AHRR: variants seen among roughly 807,000 people sequenced by gnomAD.
AHRR encodes aryl hydrocarbon receptor repressor.
AHRR carries 28 observed loss-of-function variants against 44.0 expected under a neutral mutation model. The observed-to-expected ratio is 0.64, with a 90% CI of 0.47 to 0.87. AHRR has a LOEUF of 0.87. Ranked by LOEUF, AHRR falls within the 40% of genes least tolerant of loss-of-function variation. The probability of loss-of-function intolerance (pLI) is 0.00; values close to 1 mark genes in which losing one functional copy is unlikely to be tolerated. For missense variants in AHRR, 990 were observed against 953.9 expected, an observed-to-expected ratio of 1.04 and a Z score of -0.50; for synonymous variants, 434 against 407.0, an observed-to-expected ratio of 1.07 and a Z score of -0.80.
chr5:415,696 G>GC (rs2126519049), intron 5 of AHRR, among the ~76,000 whole-genome samples: 14 of 151,580 alleles, frequency 9.2e-5, no homozygotes, highest in South Asian at 2.1e-4. Context: ...AGGCCTAGGG[G>GC]CGGAGTCTGC....
At chr5:336,465 A>G (rs1742129291) in intron 1 of AHRR, among the ~76,000 whole-genome samples, 1 of 152,230 alleles carries the variant, frequency 6.6e-6, no homozygotes. Context: ...CTTTTAAAAA[A>G]AGCCTTTGCC....
intron 5 of AHRR, among the ~76,000 whole-genome samples, chr5:414,666 A>G (rs1735638115): frequency 6.6e-6 from 1 of 152,256 alleles, no homozygotes; most frequent in African/African-American, 2.4e-5. Context: ...AAACTGGCAA[A>G]CAAATAGATT....
intron 4 of AHRR, among the ~76,000 whole-genome samples, chr5:397,542 G>A (rs373680996): frequency 1.7e-5 from 1 of 60,436 alleles, no homozygotes; most frequent in Non-Finnish European, 3.3e-5. Flanking sequence ...GCTCCTGACC[G>A]TCCATGTTAG....
intron 5 of AHRR, among the ~76,000 whole-genome samples, chr5:418,175 C>T (rs1735910229): frequency 6.6e-6 from 1 of 152,132 alleles, no homozygotes; most frequent in African/African-American, 2.4e-5. Context: ...TTCTAAACTC[C>T]CTAAGTGGTA....
chr5:394,165 G>C (rs1438969396), intron 4 of AHRR, among the ~76,000 whole-genome samples: 2 of 152,224 alleles, frequency 1.3e-5, no homozygotes, highest in African/African-American at 4.8e-5. Context: ...GGTGGCAGGA[G>C]GGAGGCCCTA....
intron 1 of AHRR, among the ~76,000 whole-genome samples, chr5:341,586 G>T (rs1379694894): frequency 6.9e-6 from 1 of 144,832 alleles, no homozygotes; most frequent in Non-Finnish European, 1.5e-5. Context: ...GAGTGCAGCG[G>T]TGTTGGCTCA....
intron 2 of AHRR, among the ~76,000 whole-genome samples, chr5:350,848 G>A (rs1392766035): frequency 4.0e-5 from 6 of 149,798 alleles, no homozygotes; most frequent in Admixed American, 1.3e-4. Context: ...AATAGAAATC[G>A]TGTACTCAAT....
chr5:330,943 G>A (rs922304524), intron 1 of AHRR, among the ~76,000 whole-genome samples: 10 of 139,730 alleles, frequency 7.2e-5, no homozygotes, highest in African/African-American at 1.1e-4. Flanking sequence ...GTGTGATCTC[G>A]GCTCACTGCA....
chr5:432,687 T>C (rs1345834068), intron 9 of AHRR, 119 bp from the exon 10 acceptor site: 5 of 1,556,376 alleles, frequency 3.2e-6, no homozygotes, highest in Non-Finnish European at 4.4e-6. Flanking sequence ...GTTCCTGGGC[T>C]CTGGTCTGTG....
Position 434,963 on chromosome 5 carries a change from A to G in AHRR, c.*129A>G. 7.8e-7 allele frequency: 1 copy of G among 1,285,876 alleles called. No individual in the cohort carries two copies. Among genetic ancestry groups the G allele is most frequent in the Non-Finnish European group, 1.0e-6 (1 of 958,398 alleles). 79.7% of individuals were successfully genotyped at this position (1,285,876 alleles called of 1,614,324 possible). A position where few individuals can be genotyped will look rare whatever the true frequency, so the allele number is the denominator to read the frequency against. Reference sequence around the variant, plus strand: ...ACGCTTTGCAGAGCTGTGCATGCGCAGTCTGCTAGTGTGTGTGTGCAGCAT... The same window carrying G: ...ACGCTTTGCAGAGCTGTGCATGCGCGGTCTGCTAGTGTGTGTGTGCAGCAT... On this transcript the variant is annotated 3_prime_UTR_variant, in exon 11 of 11. Transcript: ENST00000684583.
At chr5:323,927 A>C (rs190142625) in intron 1 of AHRR, among the ~76,000 whole-genome samples, 1 of 151,540 alleles carries the variant, frequency 6.6e-6, no homozygotes, top group Non-Finnish European at 1.5e-5. Flanking sequence ...TCGGGTAGGA[A>C]AGACTTGGCG....
At chr5:422,993 C>T in intron 6 of AHRR, 135 bp downstream of exon 6, 1 of 1,264,156 alleles carries the variant, frequency 7.9e-7, no homozygotes, top group Non-Finnish European at 1.1e-6. Flanking sequence ...CCAAATCTCA[C>T]CTTTCTTCAG....
In AHRR at chr5:353,812, A is replaced by C. The variant is rs1237683475; in HGVS notation, c.145A>C (p.Ser49Arg). Residue 49 changes from serine (S) to arginine (R), a missense_variant, in exon 3 of 11, where the codon AGC becomes CGC. Transcript: ENST00000684583. The stretch of plus-strand genomic sequence containing the variant: ...CAACGCCGAGTTGGACCACCTGGCC[A>C]GCCTGCTGCCGTTCCCGCCTGACAT... ...RLNAELDHLA[S>R]LLPFPPDIIS... is the part of the protein sequence containing the mutation. 6 of 1,613,830 alleles carry C rather than the reference A, an allele frequency of 3.7e-6. No individual in the cohort carries two copies. The highest frequency in any genetic ancestry group is 5.1e-6 in the Non-Finnish European group (6 of 1,180,004).
chr5:323,318 T>C (rs981678227), intron 1 of AHRR, among the ~76,000 whole-genome samples: 1 of 152,160 alleles, frequency 6.6e-6, no homozygotes, highest in Non-Finnish European at 1.5e-5. Context: ...TCATGAGTAT[T>C]TTGTAAAATG....
intron 5 of AHRR, among the ~76,000 whole-genome samples, chr5:414,939 C>G (rs952305152): frequency 2.0e-5 from 3 of 152,264 alleles, no homozygotes; most frequent in African/African-American, 7.2e-5. Context: ...ACAGATACAG[C>G]AACAGAGGGG....
intron 5 of AHRR, 127 bp downstream of exon 5, chr5:413,560 A>C: frequency 7.0e-6 from 5 of 713,464 alleles, no homozygotes; most frequent in Non-Finnish European, 9.3e-6. Context: ...AGCTCTTATC[A>C]GATAAAGATC....
At chr5:345,123 G>T (rs1742578784) in intron 2 of AHRR, among the ~76,000 whole-genome samples, 1 of 39,486 alleles carries the variant, frequency 2.5e-5, no homozygotes, top group African/African-American at 3.1e-4. Context: ...GCTGTGTGTG[G>T]GGATGTGTGT....
intron 5 of AHRR, 57 bp from the exon 6 acceptor site, chr5:422,672 T>G (rs1736186052): frequency 6.2e-7 from 1 of 1,612,054 alleles, no homozygotes; most frequent in Non-Finnish European, 8.5e-7. Flanking sequence ...GTCGGTGGAA[T>G]AAAGTGTCTA....
At chr5:412,547 A>G (rs1169091976) in intron 4 of AHRR, among the ~76,000 whole-genome samples, 2 of 152,172 alleles carry the variant, frequency 1.3e-5, no homozygotes, top group African/African-American at 4.8e-5. Context: ...AGTGAGGTTA[A>G]TCAATTCCAA....
Sources: allele counts gnomAD v4.1 joint callset (sites outside exome capture counted in the v4.1 genomes callset), GRCh38; gene constraint gnomAD v4.1.1; transcripts MANE v1.5; gene names NCBI Gene and HGNC (gene_info 2026-07-23, HGNC 2026-07-21).